The following CCDC192 variants were observed in gnomAD, a reference collection of about 807,000 sequenced individuals.
CCDC192 encodes the protein coiled-coil domain containing 192.
At chr5:127,710,085 T>C (rs1343828175) in intron 2 of CCDC192, among the ~76,000 whole-genome samples, 1 of 152,154 alleles carries the variant, frequency 6.6e-6, no homozygotes, top group Admixed American at 6.5e-5. Context: ...ATGGGTAAGC[T>C]TGGGATCCCT....
chr5:127,924,356 A>G (rs1753809711), intron 6 of CCDC192, among the ~76,000 whole-genome samples: 1 of 152,354 alleles, frequency 6.6e-6, no homozygotes, highest in East Asian at 1.9e-4. Context: ...CCAGGTGGTT[A>G]GAACCAGAAA....
intron 5 of CCDC192, among the ~76,000 whole-genome samples, chr5:127,826,103 T>A (rs1474974587): frequency 6.6e-6 from 1 of 152,204 alleles, no homozygotes; most frequent in African/African-American, 2.4e-5. Context: ...TGTTTATTTT[T>A]TTCTTCTAAG....
intron 5 of CCDC192, among the ~76,000 whole-genome samples, chr5:127,843,730 G>C (rs963215046): frequency 6.6e-6 from 1 of 152,036 alleles, no homozygotes; most frequent in Non-Finnish European, 1.5e-5. Context: ...GAGCCACCTC[G>C]CCCAGCCCCA....
chr5:127,834,257 G>A (rs1190841829), intron 5 of CCDC192, among the ~76,000 whole-genome samples: 1 of 152,036 alleles, frequency 6.6e-6, no homozygotes, highest in Admixed American at 6.6e-5. Context: ...ACAATTTGTT[G>A]CCCTAGAAAC....
At chr5:127,915,978 C>A (rs993709396) in intron 6 of CCDC192, among the ~76,000 whole-genome samples, 2 of 152,154 alleles carry the variant, frequency 1.3e-5, no homozygotes, top group Non-Finnish European at 2.9e-5. Context: ...AAAGTTTTCT[C>A]TGTAGCATGT....
intron 5 of CCDC192, among the ~76,000 whole-genome samples, chr5:127,850,532 A>G (rs999180317): frequency 1.3e-4 from 20 of 152,210 alleles, no homozygotes; most frequent in African/African-American, 4.8e-4. Flanking sequence ...CCACCGTATA[A>G]GCAGGCCAAC....
intron 5 of CCDC192, among the ~76,000 whole-genome samples, chr5:127,803,106 AC>A: frequency 6.6e-6 from 1 of 152,296 alleles, no homozygotes; most frequent in African/African-American, 2.4e-5. Context: ...AAAATTAACA[AC>A]GTAATGTCTT....
intron 6 of CCDC192, among the ~76,000 whole-genome samples, chr5:127,912,441 T>G (rs201856055): frequency 8.1e-5 from 4 of 49,294 alleles, no homozygotes; most frequent in South Asian, 5.0e-4. Context: ...AAAAAAAAAA[T>G]GAAGCTGTAC....
At chr5:127,862,454 T>G (rs1055908934) in intron 5 of CCDC192, among the ~76,000 whole-genome samples, 1 of 152,226 alleles carries the variant, frequency 6.6e-6, no homozygotes, top group African/African-American at 2.4e-5. Context: ...ACTCTTTCAG[T>G]TGACAGTTGA....
At chr5:127,704,952 T>C (rs1345892730) in intron 1 of CCDC192, among the ~76,000 whole-genome samples, 2 of 152,102 alleles carry the variant, frequency 1.3e-5, no homozygotes, top group East Asian at 3.9e-4. Context: ...AAGTAAAAAG[T>C]TTAGAAAGCG....
chr5:127,796,404 T>A (rs533789318), intron 3 of CCDC192, among the ~76,000 whole-genome samples: 1 of 152,332 alleles, frequency 6.6e-6, no homozygotes, highest in East Asian at 1.9e-4. Context: ...TTCAGGACTG[T>A]TGCTGACCTA....
chr5:127,792,395 A>G (rs1390805376), intron 3 of CCDC192, among the ~76,000 whole-genome samples: 1 of 152,130 alleles, frequency 6.6e-6, no homozygotes. Flanking sequence ...TCATGAAAAC[A>G]GCAGTGTAGG....
chr5:127,930,421 C>T (rs1280756199), intron 6 of CCDC192, among the ~76,000 whole-genome samples: 4 of 152,204 alleles, frequency 2.6e-5, no homozygotes, highest in Non-Finnish European at 5.9e-5. Flanking sequence ...TTCCTAACCT[C>T]CCACCAGTGT....
rs71575704 is a variant in CCDC192, at chr5:127,719,506, C to CATATATATAT, written c.114+11756_114+11765dup. ...ATATATATATATATACACACACATA[C>CATATATATAT]ATATATATATATATATATACACACA... On this transcript the variant is annotated intron_variant, in intron 2 of 6. Transcript: ENST00000514853. Among the ~76,000 whole-genome samples, 327 of 124,390 alleles carry CATATATATAT rather than the reference C, an allele frequency of 2.6e-3. 2 individuals carry two copies. Among genetic ancestry groups the CATATATATAT allele is most frequent in the African/African-American group, 0.011 (316 of 27,758 alleles). The allele number at this position is 124,390 out of a possible 152,430, so 81.6% of individuals were successfully genotyped here.
intron 3 of CCDC192, among the ~76,000 whole-genome samples, chr5:127,757,802 TC>T (rs1754692381): frequency 8.1e-6 from 1 of 124,196 alleles, no homozygotes; most frequent in Admixed American, 7.6e-5. Flanking sequence ...ACACACACTC[TC>T]TCTCTCTCTC....
intron 6 of CCDC192, among the ~76,000 whole-genome samples, chr5:127,933,610 T>C (rs114319938): frequency 0.015 from 2,305 of 152,328 alleles, 29 homozygotes; most frequent in Middle Eastern, 0.024. Flanking sequence ...AAACAAGTCC[T>C]AGAAGTGTCT....
intron 2 of CCDC192, among the ~76,000 whole-genome samples, chr5:127,749,428 T>A (rs1753990885): frequency 6.6e-6 from 1 of 152,004 alleles, no homozygotes; most frequent in South Asian, 2.1e-4. Flanking sequence ...TTGATTTGCG[T>A]ATATTGAACC....
chr5:127,868,425 G>A (rs1447779813), intron 5 of CCDC192, among the ~76,000 whole-genome samples: 1 of 152,078 alleles, frequency 6.6e-6, no homozygotes, highest in Non-Finnish European at 1.5e-5. Context: ...TCTTCAAAAC[G>A]CTGGACAGTT....
chr5:127,732,877 A>G (rs916710457), intron 2 of CCDC192, among the ~76,000 whole-genome samples: 1 of 152,160 alleles, frequency 6.6e-6, no homozygotes, highest in African/African-American at 2.4e-5. Context: ...GCATCAGGGT[A>G]AATAGCTAAT....
Sources: gnomAD v4.1 joint callset for allele counts (sites outside exome capture counted in the v4.1 genomes callset) on GRCh38, gnomAD v4.1.1 for gene constraint, MANE v1.5 for transcripts, NCBI Gene and HGNC (gene_info 2026-07-23, HGNC 2026-07-21) for gene names.